TTC28: variants seen among roughly 807,000 people sequenced by gnomAD.
TTC28 encodes the protein tetratricopeptide repeat domain 28, also known as tetratricopeptide repeat protein 28.
A neutral mutation model predicts 198.0 loss-of-function variants in TTC28; 61 were observed. That is an observed-to-expected ratio of 0.31 (90% confidence interval 0.25 to 0.38). The LOEUF (loss-of-function observed/expected upper bound fraction) is 0.38, where lower values mean the gene tolerates loss of function less well. Ranked by LOEUF, TTC28 falls within the 10% of genes least tolerant of loss-of-function variation. The pLI is 1.00. For synonymous variants in TTC28, 1,171 were observed against 1,297.8 expected (o/e 0.90, Z 2.10); for missense variants, 2,678 against 3,164.0 (o/e 0.85, Z 3.69).
intron 2 of TTC28, among the ~76,000 whole-genome samples, chr22:28,532,530 A>G (rs1329494867): frequency 1.3e-5 from 2 of 152,338 alleles, no homozygotes; most frequent in South Asian, 2.1e-4. Flanking sequence ...CAAAAGAAAA[A>G]GAGGCAATCC....
Position 28,015,681 on chromosome 22 carries a change from C to T in TTC28, c.4074-1289G>A, listed in dbSNP as rs945707871. On this transcript the variant is annotated intron_variant, in intron 13 of 22. Coordinates refer to ENST00000397906, the MANE Select transcript of TTC28 (RefSeq NM_001145418.2). ...GCTCAAGCAATCCTCCCACCTTGGC[C>T]TCCTAAAGTGTTGGGATTACAGACG... Among the ~76,000 whole-genome samples, 5 of 152,172 alleles carry T rather than the reference C, an allele frequency of 3.3e-5. No homozygotes were observed. The East Asian group carries it at 9.6e-4, about 29-fold the overall frequency.
chr22:28,602,879 T>C (rs986086196), intron 2 of TTC28, among the ~76,000 whole-genome samples: 1 of 152,182 alleles, frequency 6.6e-6, no homozygotes, highest in Non-Finnish European at 1.5e-5. Context: ...TTTCTAACTT[T>C]AGTTCTTTTT....
intron 5 of TTC28, among the ~76,000 whole-genome samples, chr22:28,205,775 A>G (rs1050728283): frequency 6.6e-6 from 1 of 152,082 alleles, no homozygotes; most frequent in African/African-American, 2.4e-5. Context: ...TTCCCCGTCC[A>G]TGAATTCCTT....
At chr22:28,123,656 C>G (rs16987005) in intron 6 of TTC28, among the ~76,000 whole-genome samples, 10,717 of 152,182 alleles carry the variant, frequency 0.07, 432 homozygotes, top group South Asian at 0.093. Context: ...TTTTATTCAA[C>G]CCCTTTCTCC....
At chr22:28,435,445 T>C (rs2047505979) in intron 2 of TTC28, among the ~76,000 whole-genome samples, 1 of 152,214 alleles carries the variant, frequency 6.6e-6, no homozygotes, top group Non-Finnish European at 1.5e-5. Context: ...TAAAATGACA[T>C]GGTTTTAGCA....
chr22:28,638,381 C>A (rs1252549584), intron 1 of TTC28, among the ~76,000 whole-genome samples: 2 of 151,812 alleles, frequency 1.3e-5, no homozygotes, highest in East Asian at 3.8e-4. Flanking sequence ...AGGAAAGAAT[C>A]TTTTATTATG....
chr22:28,029,114 TC>T (rs1569092324), intron 13 of TTC28: 1 of 471,168 alleles, frequency 2.1e-6, no homozygotes, highest in South Asian at 1.5e-5. Context: ...CCTGGTTGCA[TC>T]CCTACATGAA....
At chr22:28,553,762 CCCCCGCCCGGCCAGCCA>C (rs2049740114) in intron 2 of TTC28, among the ~76,000 whole-genome samples, 1 of 151,244 alleles carries the variant, frequency 6.6e-6, no homozygotes, top group Non-Finnish European at 1.5e-5. Flanking sequence ...GGGGGTCAGC[CCCCCGCCCGGCCAGCCA>C]CCCCGTCCGG....
At chr22:28,130,264 T>C (rs1943028401) in intron 6 of TTC28, among the ~76,000 whole-genome samples, 1 of 152,142 alleles carries the variant, frequency 6.6e-6, no homozygotes, top group African/African-American at 2.4e-5. Flanking sequence ...AACACACTTG[T>C]CTTCCCCCAC....
intron 12 of TTC28, among the ~76,000 whole-genome samples, chr22:28,056,760 T>G (rs1459782430): frequency 6.6e-6 from 1 of 152,218 alleles, no homozygotes; most frequent in Non-Finnish European, 1.5e-5. Flanking sequence ...AGCATTACTT[T>G]CATCCCAGAA....
intron 21 of TTC28, among the ~76,000 whole-genome samples, chr22:27,989,526 A>G (rs533410005): frequency 1.3e-5 from 2 of 151,614 alleles, no homozygotes; most frequent in South Asian, 4.2e-4. Flanking sequence ...ATCTAAGTTA[A>G]TTTTTTTTTG....
intron 2 of TTC28, among the ~76,000 whole-genome samples, chr22:28,325,358 T>C (rs2045511868): frequency 6.6e-6 from 1 of 151,516 alleles, no homozygotes; most frequent in African/African-American, 2.4e-5. Flanking sequence ...TATTTGATTC[T>C]TCTCTCTTTT....
At chr22:28,427,380 G>A (rs538446522) in intron 2 of TTC28, among the ~76,000 whole-genome samples, 1 of 152,226 alleles carries the variant, frequency 6.6e-6, no homozygotes, top group Admixed American at 6.5e-5. Flanking sequence ...AAGGCCGAGC[G>A]CGGTGGCTCA....
chr22:28,163,566 C>A lies in TTC28; in HGVS notation c.967G>T (p.Val323Leu). The stretch of plus-strand genomic sequence containing the variant: ...GGGTAGTCTCCAATGGCTGTGTACA[C>A]GTGGCCCAGACTGCTCAAGGCTGAT... Reference protein sequence around the residue: ...ASSALSSLGHVYTAIGDYPNA... With the variant: ...ASSALSSLGHLYTAIGDYPNA... The change falls in exon 6 of 23, where the codon GTG becomes TTG. Residue 323 changes from valine to leucine, a missense_variant. Val to Leu is a conservative substitution (Grantham distance 32). Around this residue, in one of 8 missense-constraint regions of TTC28, gnomAD observed 775 missense variants for 845.9 expected, o/e 0.92. Coordinates refer to ENST00000397906, the MANE Select transcript of TTC28 (RefSeq NM_001145418.2). 1.9e-6 allele frequency: 3 copies of A among 1,550,210 alleles called. No individual in the cohort carries two copies. The highest frequency in any genetic ancestry group is 1.7e-4 in the Middle Eastern group (1 of 5,984).
intron 2 of TTC28, among the ~76,000 whole-genome samples, chr22:28,320,848 A>C (rs2045434774): frequency 6.6e-6 from 1 of 152,222 alleles, no homozygotes; most frequent in Non-Finnish European, 1.5e-5. Flanking sequence ...GTCCTTTTGC[A>C]TGTGCTTTCA....
At chr22:28,356,746 C>T (rs942689538) in intron 2 of TTC28, among the ~76,000 whole-genome samples, 1 of 150,756 alleles carries the variant, frequency 6.6e-6, no homozygotes, top group African/African-American at 2.4e-5. Context: ...GAGTGGGCAG[C>T]TGAGAACCTG....
chr22:28,544,279 C>T (rs1411427298), intron 2 of TTC28, among the ~76,000 whole-genome samples: 1 of 152,022 alleles, frequency 6.6e-6, no homozygotes, highest in African/African-American at 2.4e-5. Context: ...AGAATATTTC[C>T]CACAGTTGGC....
intron 6 of TTC28, among the ~76,000 whole-genome samples, chr22:28,136,254 C>G (rs567601021): frequency 6.6e-6 from 1 of 152,264 alleles, no homozygotes; most frequent in East Asian, 1.9e-4. Context: ...AAGCAATCCT[C>G]CCACCTCAGC....
intron 2 of TTC28, among the ~76,000 whole-genome samples, chr22:28,389,493 G>A (rs78383665): frequency 0.042 from 6,092 of 146,460 alleles, 171 homozygotes; most frequent in African/African-American, 0.076. Context: ...TGGTTGGTAA[G>A]CTACTGATTA....
Sources: gnomAD v4.1 joint callset for allele counts (sites outside exome capture counted in the v4.1 genomes callset) on GRCh38, gnomAD v4.1.1 for gene constraint, gnomAD v4.1.1 regional missense constraint, MANE v1.5 for transcripts, NCBI Gene and HGNC (gene_info 2026-07-23, HGNC 2026-07-21) for gene names.